SYT16: variants seen among roughly 807,000 people sequenced by gnomAD.
SYT16 encodes synaptotagmin-16.
In SYT16, 42 loss-of-function variants were observed where a neutral mutation model predicts 61.4. The observed-to-expected ratio is 0.68, with a 90% CI of 0.53 to 0.89. The LOEUF is 0.89. SYT16 is among the 40% of genes least tolerant of loss of function. The probability of loss-of-function intolerance (pLI) is 0.00; values close to 1 mark genes in which losing one functional copy is unlikely to be tolerated. For synonymous variants in SYT16, 314 were observed against 302.3 expected, an observed-to-expected ratio of 1.04 and a Z score of -0.40; for missense variants, 804 against 807.3, an observed-to-expected ratio of 1.00 and a Z score of 0.05.
At chr14:61,920,807 A>G (rs2049306220) in intron 1 of SYT16, among the ~76,000 whole-genome samples, 1 of 152,232 alleles carries the variant, frequency 6.6e-6, no homozygotes, top group East Asian at 1.9e-4. Flanking sequence ...CACCGTCGTG[A>G]ATTAGATACT....
At chr14:61,909,710 C>T (rs566486685) in intron 1 of SYT16, among the ~76,000 whole-genome samples, 25 of 152,318 alleles carry the variant, frequency 1.6e-4, no homozygotes, top group African/African-American at 3.8e-4. Flanking sequence ...CACCATTCAA[C>T]GTACCACACT....
At chr14:62,077,139 TATCTGGC>T (rs2056526001) in intron 5 of SYT16, among the ~76,000 whole-genome samples, 1 of 152,252 alleles carries the variant, frequency 6.6e-6, no homozygotes, top group South Asian at 2.1e-4. Flanking sequence ...TTCCCCTGTG[TATCTGGC>T]ATCAGGAACA....
chr14:62,018,132 A>G (rs1246813527), intron 3 of SYT16, among the ~76,000 whole-genome samples: 1 of 152,004 alleles, frequency 6.6e-6, no homozygotes, highest in Non-Finnish European at 1.5e-5. Flanking sequence ...TTTGCTGTCA[A>G]TAATTTCCAA....
chr14:62,010,076 T>TCA lies in SYT16; in HGVS notation c.523+13534_523+13535insCA, dbSNP rs556612865. On this transcript the variant is annotated intron_variant, in intron 3 of 7. Transcript: ENST00000683842. Reference sequence around the variant, plus strand: ...GAAATAATTTCTGCTTCCCTGAAATTTGACCAATAGTGTAGTGAAAGTATT... The same window carrying TCA: ...GAAATAATTTCTGCTTCCCTGAAATTCATGACCAATAGTGTAGTGAAAGTATT... Among the ~76,000 whole-genome samples the TCA allele has an allele frequency of 2.6e-5, 4 of 152,206 alleles. 1 individual carries two copies. The South Asian group carries it at 8.3e-4, about 31-fold the overall frequency.
chr14:61,948,975 T>G (rs2050558072), intron 1 of SYT16, among the ~76,000 whole-genome samples: 1 of 152,116 alleles, frequency 6.6e-6, no homozygotes, highest in African/African-American at 2.4e-5. Flanking sequence ...GGAATCTGAG[T>G]GAGAGAGACC....
At chr14:61,999,761 A>G (rs1423963397) in intron 3 of SYT16, among the ~76,000 whole-genome samples, 1 of 151,668 alleles carries the variant, frequency 6.6e-6, no homozygotes, top group African/African-American at 2.4e-5. Context: ...TTTTATTTTC[A>G]TTCAATTAAA....
In SYT16 at chr14:62,075,152, C is replaced by G. The variant is rs1190469357; in HGVS notation, c.754C>G (p.Gln252Glu). ...AAATTTAGATTTGGATGGAGCCAGC[C>G]AACGGCGTTATTCTGAGAATCTCTC... ...SACEDLDGAS[Q>E]RRYSENLSYG... The change falls in exon 5 of 8, where the codon CAA becomes GAA. Residue 252 changes from glutamine to glutamate, a missense_variant. Gln to Glu is a conservative substitution (Grantham distance 29). Coordinates refer to ENST00000683842, the MANE Select transcript of SYT16 (RefSeq NM_001367656.1). The G allele has an allele frequency of 1.2e-6, 2 of 1,609,202 alleles. No individual in the cohort carries two copies. Among genetic ancestry groups the G allele is most frequent in the Admixed American group, 1.7e-5 (1 of 59,360 alleles).
chr14:61,864,220 A>G (rs770446390), intron 1 of SYT16, among the ~76,000 whole-genome samples: 3 of 152,240 alleles, frequency 2.0e-5, no homozygotes, highest in Non-Finnish European at 4.4e-5. Flanking sequence ...ACCCAGGAGG[A>G]GGTACTCCCC....
At chr14:62,020,346 T>C (rs1414310339) in intron 3 of SYT16, among the ~76,000 whole-genome samples, 1 of 152,170 alleles carries the variant, frequency 6.6e-6, no homozygotes, top group African/African-American at 2.4e-5. Context: ...ATATAATATA[T>C]AATAATATCC....
intron 4 of SYT16, among the ~76,000 whole-genome samples, chr14:62,070,878 C>G (rs1464558217): frequency 6.6e-6 from 1 of 152,000 alleles, no homozygotes; most frequent in Non-Finnish European, 1.5e-5. Flanking sequence ...CAAACCCAGA[C>G]AGATAAAAAG....
chr14:61,820,812 T>A (rs1177326971), intron 1 of SYT16, among the ~76,000 whole-genome samples: 1 of 152,186 alleles, frequency 6.6e-6, no homozygotes, highest in African/African-American at 2.4e-5. Context: ...CCTGAAAAAT[T>A]TCTGGCTGTT....
chr14:62,035,742 T>C (rs2054482062), intron 3 of SYT16, among the ~76,000 whole-genome samples: 1 of 152,192 alleles, frequency 6.6e-6, no homozygotes, highest in Non-Finnish European at 1.5e-5. Context: ...CATGTATATC[T>C]GAATTTCAAG....
At chr14:61,853,890 T>C (rs1051257297) in intron 1 of SYT16, among the ~76,000 whole-genome samples, 9 of 152,190 alleles carry the variant, frequency 5.9e-5, no homozygotes, top group Non-Finnish European at 1.2e-4. Flanking sequence ...GGACATCTTA[T>C]TCATCAAGGA....
chr14:61,996,933 G>T (rs1018613536), intron 3 of SYT16, among the ~76,000 whole-genome samples: 2 of 152,140 alleles, frequency 1.3e-5, no homozygotes, highest in South Asian at 2.1e-4. Context: ...GCAAAAAGCC[G>T]TACTTATCGC....
chr14:62,043,010 T>C (rs2054800203), intron 3 of SYT16, among the ~76,000 whole-genome samples: 1 of 152,186 alleles, frequency 6.6e-6, no homozygotes, highest in South Asian at 2.1e-4. Context: ...TATGTGGTGG[T>C]AAATTTGGTA....
rs902771336 is a variant in SYT16 at position 62,109,392 on chromosome 14, G to A, written c.*8685G>A. ...CTGAATAATATTTCATTGTCTGGTTGTATCACCATTTATGACCTATTTGCT... is the reference window on the plus strand; with the variant it reads ...CTGAATAATATTTCATTGTCTGGTTATATCACCATTTATGACCTATTTGCT... On this transcript the variant is annotated 3_prime_UTR_variant, in exon 8 of 8. Coordinates refer to ENST00000683842, the MANE Select transcript of SYT16 (RefSeq NM_001367656.1). 6 of 149,476 alleles carry A rather than the reference G, an allele frequency of 4.0e-5. No homozygotes were observed. The highest frequency in any genetic ancestry group is 8.9e-5 in the Non-Finnish European group (6 of 67,676). The allele number at this position is 149,476 out of a possible 1,614,324, so 9.3% of individuals were successfully genotyped here. A position where few individuals can be genotyped will look rare whatever the true frequency, so the allele number is the denominator to read the frequency against.
intron 1 of SYT16, among the ~76,000 whole-genome samples, chr14:61,897,873 C>G (rs1189457751): frequency 2.6e-5 from 4 of 152,100 alleles, no homozygotes; most frequent in Non-Finnish European, 5.9e-5. Context: ...GTCTTCTGTC[C>G]TTCTTGAGCC....
At chr14:61,826,086 A>C (rs957270568) in intron 1 of SYT16, among the ~76,000 whole-genome samples, 1 of 150,118 alleles carries the variant, frequency 6.7e-6, no homozygotes, top group Non-Finnish European at 1.5e-5. Flanking sequence ...TTATTTCTTC[A>C]TTCATTCTTC....
chr14:61,864,894 C>A, intron 1 of SYT16: 1 of 1,239,378 alleles, frequency 8.1e-7, no homozygotes, highest in Non-Finnish European at 1.2e-6. Context: ...ACCAACTGCG[C>A]GGATGGCGGG....
Sources: gnomAD v4.1 joint callset for allele counts (sites outside exome capture counted in the v4.1 genomes callset) on GRCh38, gnomAD v4.1.1 for gene constraint, MANE v1.5 for transcripts, NCBI Gene and HGNC (gene_info 2026-07-23, HGNC 2026-07-21) for gene names.